The following RFX4 variants were observed in gnomAD, a reference collection of about 807,000 sequenced individuals.
RFX4 encodes the protein regulatory factor X4, also known as transcription factor RFX4.
A neutral mutation model predicts 95.0 loss-of-function variants in RFX4; 10 were observed. The ratio of observed to expected loss-of-function variants is 0.11; its 90% CI spans 0.06 to 0.18. The LOEUF (loss-of-function observed/expected upper bound fraction) is 0.18. RFX4 is among the 10% of genes least tolerant of loss of function. The pLI is 1.00. For missense variants in RFX4, 640 were observed against 922.0 expected (o/e 0.69, Z 3.96); for synonymous variants, 321 against 340.7 (o/e 0.94, Z 0.64).
Position 106,696,353 on chromosome 12 carries a change from C to T in RFX4, c.740C>T (p.Thr247Met), listed in dbSNP as rs373702352. Residue 247 changes from threonine to methionine, a missense_variant, in exon 8 of 18, where the codon ACG becomes ATG. This residue lies in a region of RFX4 where 96 missense variants were observed against 183.7 expected (regional missense o/e 0.52). Transcript: ENST00000392842. ...ATGCTGCCTGTGCTGGGCTCCTCCA[C>T]GGTGGTGAACATTGTCGGCGTGTGT... ...PHMLPVLGSS[T>M]VVNIVGVCDS... The T allele has an allele frequency of 6.8e-5, 109 of 1,614,064 alleles. No homozygotes were observed. The highest frequency in any genetic ancestry group is 8.9e-5 in the East Asian group (4 of 44,900).
intron 13 of RFX4, among the ~76,000 whole-genome samples, chr12:106,724,524 A>G (rs1343325970): frequency 6.6e-6 from 1 of 152,232 alleles, no homozygotes; most frequent in East Asian, 1.9e-4. Flanking sequence ...TAAAGCTATG[A>G]GAGAAAAGAA....
chr12:106,761,114 TTAAACTA>T, intron 17 of RFX4, 76 bp from the exon 18 acceptor site: 1 of 1,428,252 alleles, frequency 7.0e-7, no homozygotes. Flanking sequence ...GAAATTTAAC[TTAAACTA>T]TAAACATGAC....
rs559545565 is a variant in RFX4 at position 106,663,814 on chromosome 12, T to A, written c.315+9463T>A. ...CAATTTGCCAAATACTTTTTGTGCA[T>A]CTGTTGATATGATCATATAATTTTT... On this transcript the variant is annotated intron_variant, in intron 4 of 17. Transcript: ENST00000392842. Among the ~76,000 whole-genome samples, 311 of 151,814 alleles carry A rather than the reference T, an allele frequency of 2.0e-3. 3 individuals carry two copies. Among genetic ancestry groups the A allele is most frequent in the African/African-American group, 7.1e-3 (295 of 41,488 alleles).
At chr12:106,728,582 T>C (rs2042548534) in intron 13 of RFX4, among the ~76,000 whole-genome samples, 1 of 152,160 alleles carries the variant, frequency 6.6e-6, no homozygotes, top group Non-Finnish European at 1.5e-5. Context: ...TTAACTTCGA[T>C]GGTGAGAAAT....
At position 106,586,920 on chromosome 12, in the gene RFX4, G is replaced by C. The variant is rs1385829150; in HGVS notation, c.43+3557G>C. Among the ~76,000 whole-genome samples the C allele has an allele frequency of 6.6e-6, 1 of 152,196 alleles. No homozygotes were observed. The highest frequency in any genetic ancestry group is 1.5e-5 in the Non-Finnish European group (1 of 68,036). ...GGCTTGGGAGAGCAAGGAGCCGGAGGTCCGAGCCTTGCTCCAGCGCCCAAA... is the reference window on the plus strand; with the variant it reads ...GGCTTGGGAGAGCAAGGAGCCGGAGCTCCGAGCCTTGCTCCAGCGCCCAAA... On this transcript the variant is annotated intron_variant, in intron 1 of 17. Coordinates refer to ENST00000392842, the MANE Select transcript of RFX4 (RefSeq NM_213594.3). This position sits in a 1 kb window ranked among gnomAD's most constrained non-coding sequence, Gnocchi z 5.6.
At chr12:106,705,454 G>A (rs568679226) in intron 8 of RFX4, among the ~76,000 whole-genome samples, 49 of 152,184 alleles carry the variant, frequency 3.2e-4, no homozygotes, top group African/African-American at 1.1e-3. Context: ...GAGGGAAAGC[G>A]GAGGAAGGAG....
Position 106,641,951 on chromosome 12 carries a change from C to CTATCTATATCTATATCTA in RFX4, c.191+2561_191+2578dup, listed in dbSNP as rs1200972708. Reference sequence around the variant, plus strand: ...GAAATATCTATATCTATGTCTATATCTATCTATATCTATATCTATCTATAT... The same window carrying CTATCTATATCTATATCTA: ...GAAATATCTATATCTATGTCTATATCTATCTATATCTATATCTATATCTATATCTATATCTATCTATAT... On this transcript the variant is annotated intron_variant, in intron 3 of 17. Coordinates refer to ENST00000392842, the MANE Select transcript of RFX4 (RefSeq NM_213594.3). 7.3e-3 allele frequency among the ~76,000 whole-genome samples: 1,054 copies of CTATCTATATCTATATCTA among 144,618 alleles called. 17 individuals carry two copies. Among genetic ancestry groups the CTATCTATATCTATATCTA allele is most frequent in the African/African-American group, 0.027 (998 of 37,496 alleles). 94.9% of individuals were successfully genotyped at this position (144,618 alleles called of 152,430 possible).
chr12:106,721,134 T>G (rs1475831035), intron 13 of RFX4, among the ~76,000 whole-genome samples: 1 of 152,112 alleles, frequency 6.6e-6, no homozygotes, highest in Non-Finnish European at 1.5e-5. Flanking sequence ...TAAATTGCAG[T>G]GGCTGTACTC....
At chr12:106,589,620 C>G (rs745563669) in intron 1 of RFX4, among the ~76,000 whole-genome samples, 2 of 152,180 alleles carry the variant, frequency 1.3e-5, no homozygotes, top group Admixed American at 6.5e-5. Context: ...GACTAGGCAA[C>G]ACTCATGCCC....
intron 8 of RFX4, among the ~76,000 whole-genome samples, chr12:106,706,317 G>T (rs879576577): frequency 6.6e-6 from 1 of 152,136 alleles, no homozygotes; most frequent in African/African-American, 2.4e-5. Context: ...AGTTTTAATC[G>T]GAATTACAGG....
At chr12:106,665,837 T>C (rs2041165679) in intron 4 of RFX4, among the ~76,000 whole-genome samples, 1 of 152,032 alleles carries the variant, frequency 6.6e-6, no homozygotes, top group African/African-American at 2.4e-5. Context: ...TACTTATGTA[T>C]GTGTTTTAAT....
intron 2 of RFX4, among the ~76,000 whole-genome samples, chr12:106,614,576 T>G (rs1419627912): frequency 6.6e-6 from 1 of 150,860 alleles, no homozygotes; most frequent in Non-Finnish European, 1.5e-5. Context: ...TGGCGCGATC[T>G]CGGCTCACTG....
At chr12:106,614,665 C>G (rs555221202) in intron 2 of RFX4, among the ~76,000 whole-genome samples, 8 of 151,966 alleles carry the variant, frequency 5.3e-5, no homozygotes, top group Non-Finnish European at 1.2e-4. Flanking sequence ...CCCGCCACCA[C>G]GCCCGGCTAA....
intron 4 of RFX4, among the ~76,000 whole-genome samples, chr12:106,661,685 C>T (rs1259240908): frequency 6.6e-6 from 1 of 152,174 alleles, no homozygotes; most frequent in Non-Finnish European, 1.5e-5. Flanking sequence ...AGAGTATTTT[C>T]ACTGCCCTAA....
At chr12:106,690,894 C>G (rs946882692) in intron 7 of RFX4, among the ~76,000 whole-genome samples, 3 of 152,218 alleles carry the variant, frequency 2.0e-5, no homozygotes, top group African/African-American at 4.8e-5. Context: ...GGCAGTCCCC[C>G]CTTATGTTCA....
intron 3 of RFX4, among the ~76,000 whole-genome samples, chr12:106,650,043 A>G (rs1193496436): frequency 6.6e-6 from 1 of 152,168 alleles, no homozygotes; most frequent in Non-Finnish European, 1.5e-5. Context: ...ATCAGCCACT[A>G]TGTGCCAGGC....
chr12:106,697,519 G>A (rs2041904246), intron 8 of RFX4, among the ~76,000 whole-genome samples: 1 of 151,672 alleles, frequency 6.6e-6, no homozygotes, highest in Admixed American at 6.6e-5. Context: ...CAAACTGGCG[G>A]GGTGACTTAA....
At chr12:106,624,852 A>T (rs2040259326) in intron 2 of RFX4, among the ~76,000 whole-genome samples, 1 of 152,158 alleles carries the variant, frequency 6.6e-6, no homozygotes, top group Non-Finnish European at 1.5e-5. Flanking sequence ...GGAAAAAATT[A>T]ACGATTGGCT....
Position 106,586,436 on chromosome 12 carries a change from G to A in RFX4, c.43+3073G>A, listed in dbSNP as rs1406205992. Among the ~76,000 whole-genome samples, 1 of 152,088 alleles carries A rather than the reference G, an allele frequency of 6.6e-6. No individual in the cohort carries two copies. Among genetic ancestry groups the A allele is most frequent in the South Asian group, 2.1e-4 (1 of 4,822 alleles). On this transcript the variant is annotated intron_variant, in intron 1 of 17. Transcript: ENST00000392842. This position sits in a 1 kb window ranked among gnomAD's most constrained non-coding sequence, Gnocchi z 5.6. ...ATCCGGAAATTCGAGAACGATGGGG[G>A]AAAGTGGGTAGAATTTTAGGCCACC...
Sources: allele counts gnomAD v4.1 joint callset (sites outside exome capture counted in the v4.1 genomes callset), GRCh38; gene constraint gnomAD v4.1.1; regional missense constraint gnomAD v4.1.1; non-coding constraint Gnocchi (gnomAD v3.1); transcripts MANE v1.5; gene names NCBI Gene and HGNC (gene_info 2026-07-23, HGNC 2026-07-21).